GSE1: variants seen among roughly 807,000 people sequenced by gnomAD.
The protein encoded by GSE1 is Gse1 coiled-coil protein, also known as genetic suppressor element 1.
Under a neutral mutation model 112.6 loss-of-function variants are expected in GSE1, and 32 were observed. The observed-to-expected ratio is 0.28, with a 90% CI of 0.21 to 0.38. The LOEUF is 0.38. Among genes scored for constraint, GSE1 ranks in the 10% least tolerant of loss-of-function variants. GSE1 has a pLI of 1.00. For missense variants in GSE1, 2,348 were observed against 1,699.2 expected (o/e 1.38, Z -6.71); for synonymous variants, 1,115 against 735.6 (o/e 1.52, Z -8.35).
chr16:85,172,825 C>T (rs1255148170), intron 1 of GSE1, among the ~76,000 whole-genome samples: 8 of 152,226 alleles, frequency 5.3e-5, no homozygotes, highest in African/African-American at 1.7e-4. Context: ...CCCACCTGCA[C>T]GTGTGGGGCA....
intron 1 of GSE1, among the ~76,000 whole-genome samples, chr16:85,571,020 T>TGGGGG (rs2045959897): frequency 1.3e-5 from 2 of 151,908 alleles, no homozygotes; most frequent in Non-Finnish European, 2.9e-5. Flanking sequence ...AAAGGGAAGG[T>TGGGGG]GGGGGAGGTG....
chr16:85,410,595 C>A (rs1415153432), intron 2 of GSE1, among the ~76,000 whole-genome samples: 1 of 5,982 alleles, frequency 1.7e-4, no homozygotes, highest in African/African-American at 1.0e-3. Flanking sequence ...CACTCAGGCC[C>A]CCCGGATAAT....
intron 1 of GSE1, among the ~76,000 whole-genome samples, chr16:85,606,017 C>CT (rs2047688366): frequency 6.6e-6 from 1 of 152,176 alleles, no homozygotes; most frequent in Admixed American, 6.5e-5. Context: ...TCATTGAAAG[C>CT]TACCCATGTG....
intron 1 of GSE1, among the ~76,000 whole-genome samples, chr16:85,264,970 A>C (rs889830629): frequency 1.3e-5 from 2 of 152,276 alleles, no homozygotes; most frequent in African/African-American, 4.8e-5. Flanking sequence ...GAGAAATGGG[A>C]CAGTCACATC....
intron 1 of GSE1, among the ~76,000 whole-genome samples, chr16:85,354,734 G>A (rs182346119): frequency 3.9e-5 from 6 of 152,354 alleles, no homozygotes; most frequent in Admixed American, 1.3e-4. Context: ...CCCATAAGCC[G>A]TCCCTCGCAG....
At chr16:85,637,923 G>T (rs1249433705) in intron 2 of GSE1, among the ~76,000 whole-genome samples, 1 of 152,200 alleles carries the variant, frequency 6.6e-6, no homozygotes, top group Non-Finnish European at 1.5e-5. Context: ...GGGCAGAGGG[G>T]GCAGGGATGG....
At chr16:85,210,643 CTG>C (rs2075209470) in intron 1 of GSE1, among the ~76,000 whole-genome samples, 3 of 152,196 alleles carry the variant, frequency 2.0e-5, no homozygotes, top group Non-Finnish European at 2.9e-5. Context: ...AGATGCCAGA[CTG>C]TACACGTGTC....
intron 1 of GSE1, among the ~76,000 whole-genome samples, chr16:85,349,251 C>A (rs906808013): frequency 1.3e-5 from 2 of 152,154 alleles, no homozygotes; most frequent in Non-Finnish European, 2.9e-5. Context: ...CCCTTTATTG[C>A]AGTATTTGGA....
intron 1 of GSE1, among the ~76,000 whole-genome samples, chr16:85,349,806 G>A (rs1314649378): frequency 6.6e-6 from 1 of 152,158 alleles, no homozygotes; most frequent in Non-Finnish European, 1.5e-5. Context: ...AGATAAATCA[G>A]CCTCAGCCCA....
chr16:85,541,943 G>A (rs2044534494), intron 2 of GSE1, among the ~76,000 whole-genome samples: 1 of 152,246 alleles, frequency 6.6e-6, no homozygotes, highest in Non-Finnish European at 1.5e-5. Flanking sequence ...GAGTTGTGAA[G>A]TTTGGAGATG....
chr16:85,187,334 C>A (rs1202331618), intron 1 of GSE1, among the ~76,000 whole-genome samples: 1 of 152,256 alleles, frequency 6.6e-6, no homozygotes, highest in Non-Finnish European at 1.5e-5. Context: ...AGGGACAGAG[C>A]GACGCTGGGC....
At chr16:85,644,326 A>C (rs1464399638) in intron 2 of GSE1, among the ~76,000 whole-genome samples, 2 of 147,840 alleles carry the variant, frequency 1.4e-5, no homozygotes, top group Non-Finnish European at 3.0e-5. Flanking sequence ...CCTGGGCAGC[A>C]GAGTGAGATC....
At chr16:85,657,951 G>T (rs1196496134) in intron 8 of GSE1, among the ~76,000 whole-genome samples, 2 of 152,158 alleles carry the variant, frequency 1.3e-5, no homozygotes, top group Admixed American at 6.5e-5. Context: ...AATAATACCT[G>T]TTCTCTCCAT....
In GSE1 at chr16:85,639,502, G is replaced by C. The variant is rs556117287; in HGVS notation, c.226+5370G>C. Among the ~76,000 whole-genome samples the C allele has an allele frequency of 2.4e-3, 344 of 144,332 alleles. 2 individuals are homozygous for C. The highest frequency in any genetic ancestry group is 8.3e-3 in the African/African-American group (330 of 39,682). The allele number at this position is 144,332 out of a possible 152,430, so 94.7% of individuals were successfully genotyped here. ...CCCCTCTAAGCCTCCTGGGCGCCAG[G>C]CCTAGCCTGCCTTGCGGGTGTGTCG... is the stretch of plus-strand genomic sequence containing the variant. On this transcript the variant is annotated intron_variant, in intron 2 of 15. Coordinates refer to ENST00000253458, the MANE Select transcript of GSE1 (RefSeq NM_014615.5).
Position 85,634,254 on chromosome 16 carries a change from C to A in GSE1, c.226+122C>A. The A allele has an allele frequency of 4.4e-6, 3 of 685,586 alleles. No homozygotes were observed. In the Admixed American group the frequency reaches 1.2e-4, roughly 28 times the overall value. The allele number at this position is 685,586 out of a possible 1,614,324, so 42.5% of individuals were successfully genotyped here. A position where few individuals can be genotyped will look rare whatever the true frequency, so the allele number is the denominator to read the frequency against. ...CGTCTTTCCCACGCCGTGTGCTCTG[C>A]ATGGAGCAGGCAGTGCTGGCTGAGC... On this transcript the variant is annotated intron_variant, in intron 2 of 15. Transcript: ENST00000253458.
chr16:85,653,336 C>T (rs1473683194), intron 3 of GSE1, among the ~76,000 whole-genome samples: 1 of 85,846 alleles, frequency 1.2e-5, no homozygotes, highest in Non-Finnish European at 2.3e-5. Context: ...CACTTAGTCA[C>T]ACGAATAACA....
chr16:85,289,788 C>T (rs941961856), intron 1 of GSE1, among the ~76,000 whole-genome samples: 2 of 152,172 alleles, frequency 1.3e-5, no homozygotes, highest in African/African-American at 4.8e-5. Context: ...GTCTTTGTCC[C>T]TCAACTGGTT....
intron 1 of GSE1, among the ~76,000 whole-genome samples, chr16:85,176,089 A>C (rs1434439713): frequency 6.6e-6 from 1 of 152,164 alleles, no homozygotes; most frequent in Non-Finnish European, 1.5e-5. Flanking sequence ...CCTGAGCTCA[A>C]GCAAACCTCC....
intron 1 of GSE1, among the ~76,000 whole-genome samples, chr16:85,334,607 G>A (rs541572865): frequency 4.6e-5 from 7 of 152,242 alleles, no homozygotes; most frequent in East Asian, 1.9e-4. Context: ...GACGCTTGGC[G>A]TGGGGTGGGC....
Sources: gnomAD v4.1 joint callset for allele counts (sites outside exome capture counted in the v4.1 genomes callset) on GRCh38, gnomAD v4.1.1 for gene constraint, MANE v1.5 for transcripts, NCBI Gene and HGNC (gene_info 2026-07-23, HGNC 2026-07-21) for gene names.